The following FSHB variants were observed in gnomAD, a reference collection of about 807,000 sequenced individuals.
FSHB encodes the protein follicle stimulating hormone subunit beta, also known as follitropin subunit beta.
In FSHB, 8 loss-of-function variants were observed where a neutral mutation model predicts 12.1. The observed-to-expected ratio is 0.66, with a 90% CI of 0.39 to 1.19. FSHB has a LOEUF of 1.19. FSHB is among the 50% of genes most tolerant of loss of function. The pLI is 0.01. For missense variants in FSHB, 153 were observed against 157.2 expected (o/e 0.97, Z 0.14); for synonymous variants, 55 against 54.6 (o/e 1.01, Z -0.04).
chr11:30,231,775 T>C (rs1269654651), intron 1 of FSHB, 91 bp from the exon 2 acceptor site: 13 of 1,026,242 alleles, frequency 1.3e-5, no homozygotes, highest in Admixed American at 1.9e-5. Flanking sequence ...AAAAAAACTT[T>C]TGAAGCAAAA....
At position 30,233,626 on chromosome 11, in the gene FSHB, G is replaced by C. The variant is rs767219014; in HGVS notation, c.216G>C (p.Lys72Asn). The C allele has an allele frequency of 1.2e-6, 2 of 1,613,894 alleles. No individual in the cohort carries two copies. The highest frequency in any genetic ancestry group is 2.7e-5 in the African/African-American group (2 of 74,902). ...RPKIQKTCTF[K>N]ELVYETVRVP... ...AAATCCAGAAAACATGTACCTTCAAGGAACTGGTATACGAAACAGTGAGAG... is the reference window on the plus strand; with the variant it reads ...AAATCCAGAAAACATGTACCTTCAACGAACTGGTATACGAAACAGTGAGAG... Residue 72 changes from lysine (K) to asparagine (N), a missense_variant, in exon 3 of 3, where the codon AAG becomes AAC. Coordinates refer to ENST00000533718, the MANE Select transcript of FSHB (RefSeq NM_001382289.1).
chr11:30,231,982 C>A lies in FSHB; in HGVS notation c.80C>A (p.Thr27Asn). ...AATAGCTGTGAGCTGACCAACATCA[C>A]CATTGCAATAGAGAAAGAAGAATGT... ...CCNSCELTNI[T>N]IAIEKEECRF... Residue 27 changes from threonine (T) to asparagine (N), a missense_variant, in exon 2 of 3, where the codon ACC becomes AAC. By Grantham distance (65) the Thr-to-Asn change is moderately conservative (BLOSUM62 0). Coordinates refer to ENST00000533718, the MANE Select transcript of FSHB (RefSeq NM_001382289.1). 5 of 1,613,956 alleles carry A rather than the reference C, an allele frequency of 3.1e-6. No individual in the cohort carries two copies. Among genetic ancestry groups the A allele is most frequent in the Non-Finnish European group, 4.2e-6 (5 of 1,179,886 alleles).
intron 2 of FSHB, among the ~76,000 whole-genome samples, chr11:30,233,335 G>A (rs1008808011): frequency 6.6e-6 from 1 of 151,858 alleles, no homozygotes; most frequent in Non-Finnish European, 1.5e-5. Flanking sequence ...TTTATATTTT[G>A]AAAAATAGTT....
In FSHB at chr11:30,231,847, T is replaced by C; in HGVS notation, c.-37-19T>C. ...GTTTGGTCAGCTTACATAATGATTA[T>C]CGTTCTTTGGTTTCTCAGTTTCTAG... On this transcript the variant is annotated intron_variant, in intron 1 of 2. Transcript: ENST00000533718. 6.3e-7 allele frequency: 1 copy of C among 1,592,932 alleles called. No individual in the cohort carries two copies.
In FSHB at chr11:30,231,918, T is replaced by C. The variant is rs1388041410; in HGVS notation, c.16T>C (p.Phe6Leu). 8.1e-6 allele frequency: 13 copies of C among 1,613,780 alleles called. No individual in the cohort carries two copies. The highest frequency in any genetic ancestry group is 1.3e-5 in the African/African-American group (1 of 74,924). The change falls in exon 2 of 3, where the codon TTT becomes CTT. Residue 6 changes from phenylalanine to leucine, a missense_variant. Phe to Leu is a conservative substitution (Grantham distance 22). Transcript: ENST00000533718. The part of the protein sequence containing the change: MKTLQ[F>L]FFLFCCWKAI... ...CCAGACCAGGATGAAGACACTCCAG[T>C]TTTTCTTCCTTTTCTGTTGCTGGAA...
chr11:30,232,920 C>T (rs1287094262), intron 2 of FSHB, among the ~76,000 whole-genome samples: 1 of 152,110 alleles, frequency 6.6e-6, no homozygotes, highest in Non-Finnish European at 1.5e-5. Flanking sequence ...ACAGAAGCCC[C>T]AATTTCTCTA....
intron 1 of FSHB, 29 bp from the exon 2 acceptor site, chr11:30,231,837 A>G (rs1036336595): frequency 1.3e-6 from 2 of 1,580,694 alleles, no homozygotes; most frequent in Non-Finnish European, 8.7e-7. Context: ...GTCAGCTTAC[A>G]TAATGATTAT....
chr11:30,233,908 A>T lies in FSHB; in HGVS notation c.*108A>T. 1.1e-6 allele frequency: 1 copy of T among 887,562 alleles called. No homozygotes were observed. The highest frequency in any genetic ancestry group is 1.4e-5 in the South Asian group (1 of 70,390). The allele number at this position is 887,562 out of a possible 1,614,324, so 55.0% of individuals were successfully genotyped here. A position where few individuals can be genotyped will look rare whatever the true frequency, so the allele number is the denominator to read the frequency against. ...AGGGGACAAACCACTGGATCAGGGG[A>T]TTCAGACTCTACTGATCCCTGGTCT... is the stretch of plus-strand genomic sequence containing the variant. On this transcript the variant is annotated 3_prime_UTR_variant, in exon 3 of 3. Transcript: ENST00000533718.
chr11:30,231,610 A>G (rs560977450), intron 1 of FSHB, among the ~76,000 whole-genome samples: 2 of 152,372 alleles, frequency 1.3e-5, no homozygotes, highest in African/African-American at 2.4e-5. Flanking sequence ...ACAGTCAGCA[A>G]TAAGATTCTA....
Position 30,233,704 on chromosome 11 carries a change from C to T in FSHB, c.294C>T (p.Thr98=), listed in dbSNP as rs774299660. 4 of 1,613,982 alleles carry T rather than the reference C, an allele frequency of 2.5e-6. No individual in the cohort carries two copies. The South Asian group carries it at 3.3e-5, about 13-fold the overall frequency. The change falls in exon 3 of 3, where the codon ACC becomes ACT. Residue 98 remains threonine (T), a synonymous_variant. Transcript: ENST00000533718. ...ADSLYTYPVA[T]QCHCGKCDSD... is the part of the protein sequence containing the mutation. The stretch of plus-strand genomic sequence containing the variant: ...CCTTGTATACATACCCAGTGGCCAC[C>T]CAGTGTCACTGTGGCAAGTGTGACA...
Position 30,233,938 on chromosome 11 carries a change from G to A in FSHB, c.*138G>A. On this transcript the variant is annotated 3_prime_UTR_variant, in exon 3 of 3. Transcript: ENST00000533718. The stretch of plus-strand genomic sequence containing the variant: ...GACTCTACTGATCCCTGGTCTACTG[G>A]CAGAGGGAACTCTGGGAATTGAGAG... 5.4e-6 allele frequency: 4 copies of A among 736,482 alleles called. No homozygotes were observed. Among genetic ancestry groups the A allele is most frequent in the Non-Finnish European group, 9.4e-6 (4 of 424,268 alleles). 45.6% of individuals were successfully genotyped at this position (736,482 alleles called of 1,614,324 possible). A position where few individuals can be genotyped will look rare whatever the true frequency, so the allele number is the denominator to read the frequency against.
At chr11:30,232,957 A>C (rs1023008704) in intron 2 of FSHB, among the ~76,000 whole-genome samples, 1 of 152,184 alleles carries the variant, frequency 6.6e-6, no homozygotes, top group Admixed American at 6.5e-5. Context: ...TTTCCACTGG[A>C]AAGTGCTACT....
intron 1 of FSHB, among the ~76,000 whole-genome samples, chr11:30,231,396 A>C (rs1232465329): frequency 6.6e-6 from 1 of 152,216 alleles, no homozygotes; most frequent in Non-Finnish European, 1.5e-5. Flanking sequence ...TGGGAGGCCA[A>C]GGTCAGAGGA....
rs1852013291 is a variant in FSHB, at chr11:30,231,964, G to A, written c.62G>A (p.Cys21Tyr). ...CCWKAICCNS[C>Y]ELTNITIAIE... is the part of the protein sequence containing the mutation. ...TGGAAAGCAATCTGCTGCAATAGCT[G>A]TGAGCTGACCAACATCACCATTGCA... The change falls in exon 2 of 3, where the codon TGT becomes TAT. Residue 21 changes from cysteine to tyrosine, a missense_variant. Transcript: ENST00000533718. 1.9e-6 allele frequency: 3 copies of A among 1,613,852 alleles called. No homozygotes were observed. Among genetic ancestry groups the A allele is most frequent in the Non-Finnish European group, 2.5e-6 (3 of 1,179,896 alleles).
chr11:30,233,762 G>A lies in FSHB; in HGVS notation c.352G>A (p.Gly118Arg). 3 of 1,614,026 alleles carry A rather than the reference G, an allele frequency of 1.9e-6. No individual in the cohort carries two copies. The highest frequency in any genetic ancestry group is 2.2e-5 in the East Asian group (1 of 44,870). Reference sequence around the variant, plus strand: ...CACTGATTGTACTGTGCGAGGCCTGGGGCCCAGCTACTGCTCCTTTGGTGA... The same window carrying A: ...CACTGATTGTACTGTGCGAGGCCTGAGGCCCAGCTACTGCTCCTTTGGTGA... ...DSTDCTVRGL[G>R]PSYCSFGEMK... Residue 118 changes from glycine to arginine, a missense_variant, in exon 3 of 3, where the codon GGG becomes AGG. By Grantham distance (125) the Gly-to-Arg change is moderately radical (BLOSUM62 -2). Transcript: ENST00000533718.
At chr11:30,232,921 A>C (rs1026510664) in intron 2 of FSHB, among the ~76,000 whole-genome samples, 7 of 152,180 alleles carry the variant, frequency 4.6e-5, no homozygotes, top group Non-Finnish European at 5.9e-5. Context: ...CAGAAGCCCC[A>C]ATTTCTCTAC....
chr11:30,231,733 CA>C, intron 1 of FSHB, 132 bp from the exon 2 acceptor site: 1 of 669,718 alleles, frequency 1.5e-6, no homozygotes. Flanking sequence ...TTCCAAGAAA[CA>C]AAGATGTAAG....
At chr11:30,232,993 A>C (rs970081126) in intron 2 of FSHB, among the ~76,000 whole-genome samples, 4 of 152,172 alleles carry the variant, frequency 2.6e-5, no homozygotes, top group Non-Finnish European at 4.4e-5. Flanking sequence ...CTGGATTAAA[A>C]ATTCTTATAT....
At position 30,233,696 on chromosome 11, in the gene FSHB, G is replaced by A. The variant is rs762866106; in HGVS notation, c.286G>A (p.Val96Met). Residue 96 changes from valine (V) to methionine (M), a missense_variant, in exon 3 of 3, where the codon GTG (valine) becomes ATG (methionine). Physicochemically the swap from Val to Met is conservative, Grantham distance 21. Coordinates refer to ENST00000533718, the MANE Select transcript of FSHB (RefSeq NM_001382289.1). ...TGCAGATTCCTTGTATACATACCCA[G>A]TGGCCACCCAGTGTCACTGTGGCAA... ...HHADSLYTYP[V>M]ATQCHCGKCD... 3 of 1,614,042 alleles carry A rather than the reference G, an allele frequency of 1.9e-6. No homozygotes were observed. Among genetic ancestry groups the A allele is most frequent in the African/African-American group, 1.3e-5 (1 of 75,044 alleles).
Sources: allele counts gnomAD v4.1 joint callset (sites outside exome capture counted in the v4.1 genomes callset), GRCh38; gene constraint gnomAD v4.1.1; transcripts MANE v1.5; gene names NCBI Gene and HGNC (gene_info 2026-07-23, HGNC 2026-07-21).